Variants in PLCB4 observed in about 807,000 individuals in gnomAD.
PLCB4 encodes the protein phospholipase C beta 4, also known as 1-phosphatidylinositol 4,5-bisphosphate phosphodiesterase beta-4.
Under a neutral mutation model 178.8 loss-of-function variants are expected in PLCB4, and 77 were observed. The observed-to-expected ratio is 0.43, with a 90% CI of 0.36 to 0.52. PLCB4 has a LOEUF of 0.52. Among genes scored for constraint, PLCB4 ranks in the 20% least tolerant of loss-of-function variants. The pLI, the probability that PLCB4 is intolerant of heterozygous loss-of-function variation, is 0.00. For synonymous variants in PLCB4, 496 were observed against 490.8 expected (o/e 1.01, Z -0.14); for missense variants, 1,024 against 1,453.4 (o/e 0.70, Z 4.80).
At chr20:9,388,487 G>A (rs1353732207) in intron 15 of PLCB4, among the ~76,000 whole-genome samples, 1 of 152,164 alleles carries the variant, frequency 6.6e-6, no homozygotes. Context: ...GGGAGGTGGA[G>A]GCAGGTGGAT....
At chr20:9,398,689 G>GTATTATTATTATTATTATTATTAT (rs11469240) in intron 19 of PLCB4, among the ~76,000 whole-genome samples, 52 of 150,294 alleles carry the variant, frequency 3.5e-4, no homozygotes, top group African/African-American at 1.2e-3. Context: ...GATGAAATGG[G>GTATTATTATTATTATTATTATTAT]TATTATTATT....
At chr20:9,098,483 G>A (rs952245183) in intron 2 of PLCB4, among the ~76,000 whole-genome samples, 1 of 151,762 alleles carries the variant, frequency 6.6e-6, no homozygotes, top group Non-Finnish European at 1.5e-5. Context: ...CTGCAAGGTC[G>A]CCAGACAGTT....
chr20:9,471,123 T>C (rs2044162245), intron 36 of PLCB4, among the ~76,000 whole-genome samples: 2 of 152,180 alleles, frequency 1.3e-5, no homozygotes, highest in South Asian at 4.1e-4. Flanking sequence ...ATGTAAACAC[T>C]ATTTATCAAT....
intron 15 of PLCB4, among the ~76,000 whole-genome samples, chr20:9,388,942 A>G (rs888014812): frequency 1.3e-5 from 2 of 152,242 alleles, no homozygotes; most frequent in African/African-American, 4.8e-5. Context: ...AAGATTATCT[A>G]ACCTTGGGCT....
intron 34 of PLCB4, among the ~76,000 whole-genome samples, chr20:9,458,237 T>C (rs1439298433): frequency 6.6e-6 from 1 of 152,176 alleles, no homozygotes; most frequent in Non-Finnish European, 1.5e-5. Context: ...GCAGGCAAGA[T>C]GTTCAAGATG....
At chr20:9,451,396 A>G (rs908452589) in intron 32 of PLCB4, among the ~76,000 whole-genome samples, 1 of 152,228 alleles carries the variant, frequency 6.6e-6, no homozygotes, top group African/African-American at 2.4e-5. Context: ...TTGCAAGATA[A>G]TATAGGACTG....
intron 2 of PLCB4, among the ~76,000 whole-genome samples, chr20:9,186,639 G>A (rs2093332812): frequency 6.6e-6 from 1 of 152,140 alleles, no homozygotes; most frequent in Non-Finnish European, 1.5e-5. Context: ...AACTCAAGCG[G>A]TTTGCCATGT....
chr20:9,105,085 G>A (rs1434928327), intron 2 of PLCB4, among the ~76,000 whole-genome samples: 1 of 152,052 alleles, frequency 6.6e-6, no homozygotes. Flanking sequence ...AATTAACAGA[G>A]TATGTTTAGA....
At chr20:9,468,030 T>C (rs889000182) in intron 35 of PLCB4, among the ~76,000 whole-genome samples, 14 of 152,366 alleles carry the variant, frequency 9.2e-5, no homozygotes, top group Admixed American at 2.6e-4. Flanking sequence ...TTCATTCCTG[T>C]GGCTGATAGA....
intron 2 of PLCB4, among the ~76,000 whole-genome samples, chr20:9,216,483 C>T (rs1341019634): frequency 2.0e-5 from 3 of 151,928 alleles, no homozygotes; most frequent in African/African-American, 7.3e-5. Context: ...TCCCAAAGTG[C>T]TGGGATTACA....
chr20:9,369,566 A>G (rs1417460445), intron 9 of PLCB4, among the ~76,000 whole-genome samples: 5 of 152,198 alleles, frequency 3.3e-5, no homozygotes, highest in Admixed American at 2.0e-4. Context: ...AGATTTGTTA[A>G]AGAGAATTCA....
chr20:9,429,014 T>G (rs1423289471), intron 28 of PLCB4, among the ~76,000 whole-genome samples: 1 of 152,132 alleles, frequency 6.6e-6, no homozygotes, highest in Non-Finnish European at 1.5e-5. Context: ...AGGGCCTACA[T>G]GGAGAGTCTT....
At chr20:9,285,857 C>T (rs2094532086) in intron 3 of PLCB4, among the ~76,000 whole-genome samples, 1 of 151,982 alleles carries the variant, frequency 6.6e-6, no homozygotes, top group South Asian at 2.1e-4. Flanking sequence ...GGTTAGAATG[C>T]TGTACAGCAG....
chr20:9,349,085 A>C (rs555310701), intron 7 of PLCB4, among the ~76,000 whole-genome samples: 27 of 152,224 alleles, frequency 1.8e-4, no homozygotes, highest in Middle Eastern at 3.4e-3. Context: ...AAGAAAAAGA[A>C]ACTAAAAATC....
At chr20:9,246,443 T>C (rs1363271144) in intron 3 of PLCB4, among the ~76,000 whole-genome samples, 3 of 152,238 alleles carry the variant, frequency 2.0e-5, no homozygotes, top group Admixed American at 1.3e-4. Context: ...TGTTTTCTGA[T>C]GAAAAACACA....
chr20:9,420,807 A>G (rs2040577304), intron 26 of PLCB4, among the ~76,000 whole-genome samples: 1 of 152,232 alleles, frequency 6.6e-6, no homozygotes, highest in South Asian at 2.1e-4. Flanking sequence ...GACTAACATT[A>G]TAAAACTGTC....
chr20:9,430,304 G>A (rs6140936), intron 28 of PLCB4, among the ~76,000 whole-genome samples: 1 of 152,088 alleles, frequency 6.6e-6, no homozygotes, highest in Admixed American at 6.5e-5. Context: ...CCTTGCTCAA[G>A]GCATTTAGTC....
At chr20:9,416,092 T>G (rs2040224371) in intron 25 of PLCB4, among the ~76,000 whole-genome samples, 2 of 152,226 alleles carry the variant, frequency 1.3e-5, no homozygotes. Flanking sequence ...GTATACAAAA[T>G]GAACCCATTT....
intron 3 of PLCB4, among the ~76,000 whole-genome samples, chr20:9,302,451 G>T (rs2094717042): frequency 6.6e-6 from 1 of 152,008 alleles, no homozygotes. Context: ...CCCAGCTAGT[G>T]CCCCTGATGC....
Sources: gnomAD v4.1 joint callset for allele counts (sites outside exome capture counted in the v4.1 genomes callset) on GRCh38, gnomAD v4.1.1 for gene constraint, MANE v1.5 for transcripts, NCBI Gene and HGNC (gene_info 2026-07-23, HGNC 2026-07-21) for gene names.